Variants in ZBTB16 observed in about 807,000 individuals in gnomAD.
ZBTB16 encodes the protein zinc finger and BTB domain-containing protein 16.
Under a neutral mutation model 56.8 loss-of-function variants are expected in ZBTB16, and 8 were observed. The ratio of observed to expected loss-of-function variants is 0.14; its 90% CI spans 0.08 to 0.25. ZBTB16 has a LOEUF of 0.25. Among genes scored for constraint, ZBTB16 ranks in the 10% least tolerant of loss-of-function variants. The probability of loss-of-function intolerance (pLI) is 1.00; values close to 1 mark genes in which losing one functional copy is unlikely to be tolerated. For missense variants in ZBTB16, 625 were observed against 903.0 expected (o/e 0.69, Z 3.95); for synonymous variants, 363 against 368.5 (o/e 0.98, Z 0.17).
At chr11:114,150,914 C>T (rs1942262905) in intron 2 of ZBTB16, among the ~76,000 whole-genome samples, 1 of 152,210 alleles carries the variant, frequency 6.6e-6, no homozygotes, top group Non-Finnish European at 1.5e-5. Context: ...TGCATGTCAG[C>T]ACCAACTGCC....
At chr11:114,242,135 T>C in intron 4 of ZBTB16, 32 bp from the exon 5 acceptor site, 3 of 1,613,078 alleles carry the variant, frequency 1.9e-6, no homozygotes, top group Non-Finnish European at 2.5e-6. Context: ...ATTCCCACCT[T>C]TCTGAGGCAC....
At chr11:114,167,240 T>TTTG (rs1942794484) in intron 3 of ZBTB16, among the ~76,000 whole-genome samples, 4 of 137,194 alleles carry the variant, frequency 2.9e-5, no homozygotes, top group East Asian at 2.1e-4. Context: ...TGGTTTTTTT[T>TTTG]TTTTTTTTTT....
chr11:114,144,854 A>G (rs191526657), intron 2 of ZBTB16, among the ~76,000 whole-genome samples: 4 of 152,354 alleles, frequency 2.6e-5, no homozygotes, highest in Admixed American at 2.6e-4. Context: ...TTTCAACTAA[A>G]TCTGTTCAAG....
rs116353962 is a variant in ZBTB16 at position 114,172,189 on chromosome 11, C to T, written c.1367-14763C>T. Among the ~76,000 whole-genome samples, 782 of 152,336 alleles carry T rather than the reference C, an allele frequency of 5.1e-3. 10 individuals are homozygous for T. The highest frequency in any genetic ancestry group is 0.018 in the African/African-American group (739 of 41,574). The stretch of plus-strand genomic sequence containing the variant: ...CTACTACATGTCCAAGAATGTCCTG[C>T]GACCGCACACAGCTGGCCATGGTTA... On this transcript the variant is annotated intron_variant, in intron 3 of 6. Coordinates refer to ENST00000335953, the MANE Select transcript of ZBTB16 (RefSeq NM_006006.6).
intron 5 of ZBTB16, among the ~76,000 whole-genome samples, chr11:114,245,035 T>C (rs757491170): frequency 2.0e-5 from 3 of 152,234 alleles, no homozygotes; most frequent in Non-Finnish European, 4.4e-5. Context: ...GAGTTGGATG[T>C]CAGACCAGAC....
chr11:114,210,192 T>TGTGTGCGC (rs773801156), intron 4 of ZBTB16, among the ~76,000 whole-genome samples: 3,746 of 143,260 alleles, frequency 0.026, 62 homozygotes, highest in Admixed American at 0.031. Context: ...TGTGTGTGTG[T>TGTGTGCGC]GCGTGCGCGC....
chr11:114,132,030 G>A (rs1013978774), intron 2 of ZBTB16, among the ~76,000 whole-genome samples: 4 of 151,976 alleles, frequency 2.6e-5, no homozygotes, highest in Non-Finnish European at 5.9e-5. Flanking sequence ...GCGGAAGTTA[G>A]GAAGACTGAA....
intron 4 of ZBTB16, among the ~76,000 whole-genome samples, chr11:114,235,735 T>G (rs1944571396): frequency 7.1e-6 from 1 of 140,314 alleles, no homozygotes; most frequent in Non-Finnish European, 1.6e-5. Flanking sequence ...TCTTTCTTTC[T>G]TTTCTTTTCT....
Position 114,210,516 on chromosome 11 carries a change from A to G in ZBTB16, c.1453+23478A>G, listed in dbSNP as rs540979136. On this transcript the variant is annotated intron_variant, in intron 4 of 6. Transcript: ENST00000335953. ...AAAGCCCTCTTGCTAAGCTACAGAA[A>G]AATCTCCCTTGTGCTTTAATTTTGG... 8 of 231,858 alleles carry G rather than the reference A, an allele frequency of 3.5e-5. No homozygotes were observed. In the East Asian group the frequency reaches 3.7e-4, roughly 11 times the overall value. 14.4% of individuals were successfully genotyped at this position (231,858 alleles called of 1,614,324 possible). A position where few individuals can be genotyped will look rare whatever the true frequency, so the allele number is the denominator to read the frequency against.
intron 2 of ZBTB16, among the ~76,000 whole-genome samples, chr11:114,136,718 G>A (rs934299520): frequency 6.6e-6 from 1 of 152,176 alleles, no homozygotes; most frequent in East Asian, 1.9e-4. Context: ...TTTTTTTGGG[G>A]GGAGGTTTTA....
chr11:114,074,705 C>T (rs1939478340), intron 2 of ZBTB16, among the ~76,000 whole-genome samples: 1 of 152,234 alleles, frequency 6.6e-6, no homozygotes, highest in Non-Finnish European at 1.5e-5. Context: ...TCAGCCGGAG[C>T]TCGCCGTGCG....
At chr11:114,070,433 A>G (rs1939307005) in intron 2 of ZBTB16, among the ~76,000 whole-genome samples, 1 of 152,160 alleles carries the variant, frequency 6.6e-6, no homozygotes, top group Admixed American at 6.6e-5. Flanking sequence ...AAGTCTGAAC[A>G]GTTTTGGTCG....
At chr11:114,076,615 G>T (rs1388830776) in intron 2 of ZBTB16, among the ~76,000 whole-genome samples, 1 of 151,994 alleles carries the variant, frequency 6.6e-6, no homozygotes, top group African/African-American at 2.4e-5. Context: ...CTACCTCCCT[G>T]CATTCCCCCC....
At chr11:114,199,667 T>G (rs505736) in intron 4 of ZBTB16, among the ~76,000 whole-genome samples, 97,238 of 152,124 alleles carry the variant, frequency 0.64, 32,154 homozygotes, top group African/African-American at 0.81. Context: ...TCAAAGGTAG[T>G]GTGTAGGAAT....
At chr11:114,178,558 T>G (rs1212752146) in intron 3 of ZBTB16, among the ~76,000 whole-genome samples, 1 of 152,200 alleles carries the variant, frequency 6.6e-6, no homozygotes, top group East Asian at 1.9e-4. Context: ...GTGGACAGTG[T>G]TTCTAAGCCT....
chr11:114,118,707 C>G (rs1941251385), intron 2 of ZBTB16, among the ~76,000 whole-genome samples: 1 of 152,092 alleles, frequency 6.6e-6, no homozygotes, highest in South Asian at 2.1e-4. Flanking sequence ...GGGCTTTCTG[C>G]TTCATATTGC....
chr11:114,179,488 T>C (rs1253565390), intron 3 of ZBTB16, among the ~76,000 whole-genome samples: 2 of 152,194 alleles, frequency 1.3e-5, no homozygotes, highest in South Asian at 4.1e-4. Context: ...TATGCTTTTT[T>C]TGGGTCTGCT....
rs761753131 is a variant in ZBTB16 at position 114,186,997 on chromosome 11, C to T, written c.1412C>T (p.Ser471Leu). 17 of 1,613,958 alleles carry T rather than the reference C, an allele frequency of 1.1e-5. No individual in the cohort carries two copies. The East Asian group carries it at 1.6e-4, about 15-fold the overall frequency. ...FVCDQCGAQF[S>L]KEDALETHRQ... The stretch of plus-strand genomic sequence containing the variant: ...TGTGATCAGTGCGGTGCACAGTTTT[C>T]GAAGGAGGATGCCCTGGAGACACAC... Residue 471 changes from serine to leucine, a missense_variant, in exon 4 of 7, where the codon TCG (serine) becomes TTG (leucine). Physicochemically the swap from Ser to Leu is moderately radical, Grantham distance 145. Around this residue, in one of 6 missense-constraint regions of ZBTB16, gnomAD observed 140 missense variants for 214.8 expected, o/e 0.65. Coordinates refer to ENST00000335953, the MANE Select transcript of ZBTB16 (RefSeq NM_006006.6).
intron 4 of ZBTB16, among the ~76,000 whole-genome samples, chr11:114,233,071 G>GCGCGCA (rs1555159464): frequency 6.9e-5 from 4 of 57,970 alleles, no homozygotes; most frequent in African/African-American, 2.2e-4. Flanking sequence ...ACGCATGCGC[G>GCGCGCA]CGCGCGCGCG....
Sources: allele counts gnomAD v4.1 joint callset (sites outside exome capture counted in the v4.1 genomes callset), GRCh38; gene constraint gnomAD v4.1.1; regional missense constraint gnomAD v4.1.1; transcripts MANE v1.5; gene names NCBI Gene and HGNC (gene_info 2026-07-23, HGNC 2026-07-21).